The following SGCZ variants were observed in gnomAD, a reference collection of about 807,000 sequenced individuals.
The protein encoded by SGCZ is zeta-sarcoglycan.
In SGCZ, 40 loss-of-function variants were observed where a neutral mutation model predicts 41.3. That is an observed-to-expected ratio of 0.97 (90% CI 0.75 to 1.26). SGCZ has a LOEUF of 1.26. SGCZ is among the 50% of genes most tolerant of loss of function. The pLI, the probability that SGCZ is intolerant of heterozygous loss-of-function variation, is 0.00. For synonymous variants in SGCZ, 206 were observed against 137.5 expected (o/e 1.50, Z -3.49); for missense variants, 552 against 369.8 (o/e 1.49, Z -4.04).
intron 1 of SGCZ, among the ~76,000 whole-genome samples, chr8:14,859,987 C>T (rs991236995): frequency 1.3e-5 from 2 of 151,962 alleles, no homozygotes; most frequent in African/African-American, 4.8e-5. Flanking sequence ...AAATTATGTG[C>T]TAGGAAAGCA....
chr8:15,061,969 G>T (rs9643995), intron 1 of SGCZ, among the ~76,000 whole-genome samples: 11,461 of 152,140 alleles, frequency 0.075, 644 homozygotes, highest in African/African-American at 0.15. Context: ...CAAAGCTTTA[G>T]ATAATTTTCA....
intron 2 of SGCZ, among the ~76,000 whole-genome samples, chr8:14,435,123 T>C (rs1800052047): frequency 6.6e-6 from 1 of 152,206 alleles, no homozygotes; most frequent in Non-Finnish European, 1.5e-5. Context: ...AAGCGTGATA[T>C]TTTGTGACAA....
chr8:14,947,198 G>A (rs962112512), intron 1 of SGCZ, among the ~76,000 whole-genome samples: 1 of 152,198 alleles, frequency 6.6e-6, no homozygotes, highest in African/African-American at 2.4e-5. Context: ...CCTGCCGTAA[G>A]CGAAGGAATG....
rs117573476 is a variant in SGCZ, at chr8:14,608,795, G to A, written c.40-53869C>T. On this transcript the variant is annotated intron_variant, in intron 1 of 7. Coordinates refer to ENST00000382080, the MANE Select transcript of SGCZ (RefSeq NM_139167.4). The stretch of plus-strand genomic sequence containing the variant: ...ATCACATTTCAACGTGAGATTTGGA[G>A]GGGACAAATATTCGAACCATATCGG... Among the ~76,000 whole-genome samples, 689 of 152,044 alleles carry A rather than the reference G, an allele frequency of 4.5e-3. 4 individuals are homozygous for A. The highest frequency in any genetic ancestry group is 5.0e-3 in the Non-Finnish European group (338 of 67,978).
At chr8:14,441,560 C>A (rs1387756399) in intron 2 of SGCZ, among the ~76,000 whole-genome samples, 4 of 152,120 alleles carry the variant, frequency 2.6e-5, no homozygotes, top group Non-Finnish European at 2.9e-5. Context: ...GGTGATAGAG[C>A]AAGACCCCAT....
At chr8:14,900,113 C>T (rs570229612) in intron 1 of SGCZ, among the ~76,000 whole-genome samples, 12 of 152,014 alleles carry the variant, frequency 7.9e-5, no homozygotes, top group African/African-American at 2.7e-4. Context: ...TTTTTGAAAC[C>T]TTTCTATAAC....
chr8:14,702,970 T>TAGATAGATAGAC (rs1481150630), intron 1 of SGCZ, among the ~76,000 whole-genome samples: 157 of 129,204 alleles, frequency 1.2e-3, no homozygotes, highest in East Asian at 2.1e-3. Flanking sequence ...GATAGATAGA[T>TAGATAGATAGAC]AGACAGACAG....
At chr8:14,097,382 A>T (rs1446889874) in intron 7 of SGCZ, among the ~76,000 whole-genome samples, 1 of 152,154 alleles carries the variant, frequency 6.6e-6, no homozygotes, top group African/African-American at 2.4e-5. Context: ...CAGGTTGTTC[A>T]GTTTCCATAT....
intron 2 of SGCZ, among the ~76,000 whole-genome samples, chr8:14,439,956 G>A (rs558125819): frequency 6.6e-6 from 1 of 151,658 alleles, no homozygotes; most frequent in Non-Finnish European, 1.5e-5. Context: ...TTGGTTCACG[G>A]ACTTCTTGAG....
intron 2 of SGCZ, among the ~76,000 whole-genome samples, chr8:14,345,600 T>C (rs939788136): frequency 2.0e-5 from 3 of 152,252 alleles, no homozygotes; most frequent in Admixed American, 2.0e-4. Context: ...ATAACGTGAG[T>C]TAAGCCTAAG....
chr8:14,391,483 C>T (rs933736738), intron 2 of SGCZ, among the ~76,000 whole-genome samples: 1 of 151,870 alleles, frequency 6.6e-6, no homozygotes, highest in Non-Finnish European at 1.5e-5. Flanking sequence ...TTTTGTATTC[C>T]GGCCCATAAG....
chr8:15,167,845 C>G (rs1449816268), intron 1 of SGCZ, among the ~76,000 whole-genome samples: 1 of 152,194 alleles, frequency 6.6e-6, no homozygotes, highest in East Asian at 1.9e-4. Flanking sequence ...TCAGAAAGAA[C>G]ACGAGGGATG....
At chr8:14,802,293 T>C (rs1043880737) in intron 1 of SGCZ, among the ~76,000 whole-genome samples, 7 of 152,180 alleles carry the variant, frequency 4.6e-5, no homozygotes, top group African/African-American at 1.7e-4. Flanking sequence ...AATAAATCAC[T>C]AAGCTGCCAT....
rs193020073 is a variant in SGCZ at position 14,725,959 on chromosome 8, T to C, written c.40-171033A>G. On this transcript the variant is annotated intron_variant, in intron 1 of 7. Coordinates refer to ENST00000382080, the MANE Select transcript of SGCZ (RefSeq NM_139167.4). The stretch of plus-strand genomic sequence containing the variant: ...TTTGCTTTTTTTTCACTTATTAAAG[T>C]AAAATATTATTAGGTAAAATTTTAT... Among the ~76,000 whole-genome samples the C allele has an allele frequency of 2.3e-3, 355 of 152,244 alleles. 2 individuals carry two copies. Among genetic ancestry groups the C allele is most frequent in the African/African-American group, 7.9e-3 (328 of 41,568 alleles).
chr8:14,426,644 C>T (rs143106965), intron 2 of SGCZ, among the ~76,000 whole-genome samples: 1 of 151,994 alleles, frequency 6.6e-6, no homozygotes, highest in Non-Finnish European at 1.5e-5. Flanking sequence ...TCAGCTGAAC[C>T]AAGAGCCAGA....
intron 3 of SGCZ, among the ~76,000 whole-genome samples, chr8:14,243,711 G>A (rs572770477): frequency 2.6e-4 from 40 of 152,068 alleles, no homozygotes; most frequent in Non-Finnish European, 5.0e-4. Context: ...TCTTATCCAT[G>A]TCTCTTTATC....
At chr8:14,912,947 G>T (rs1009330319) in intron 1 of SGCZ, among the ~76,000 whole-genome samples, 1 of 151,976 alleles carries the variant, frequency 6.6e-6, no homozygotes, top group African/African-American at 2.4e-5. Context: ...GAGTAGCCAC[G>T]CTTTTATTTA....
intron 1 of SGCZ, among the ~76,000 whole-genome samples, chr8:14,698,267 A>G (rs1809030058): frequency 6.6e-6 from 1 of 151,904 alleles, no homozygotes; most frequent in South Asian, 2.1e-4. Flanking sequence ...AACAAACTAC[A>G]CCATAATTCT....
At chr8:14,336,144 C>G (rs1344944586) in intron 2 of SGCZ, among the ~76,000 whole-genome samples, 2 of 152,118 alleles carry the variant, frequency 1.3e-5, no homozygotes, top group African/African-American at 4.8e-5. Flanking sequence ...TTAGCTCCCT[C>G]TTATAAGTGA....
Sources: allele counts gnomAD v4.1 joint callset (sites outside exome capture counted in the v4.1 genomes callset), GRCh38; gene constraint gnomAD v4.1.1; transcripts MANE v1.5; gene names NCBI Gene and HGNC (gene_info 2026-07-23, HGNC 2026-07-21).